The following STX2 variants were observed in gnomAD, a reference collection of about 807,000 sequenced individuals.
The protein encoded by STX2 is syntaxin 2, also known as syntaxin-2.
In STX2, 27 loss-of-function variants were observed where a neutral mutation model predicts 40.6. The observed-to-expected ratio is 0.66, with a 90% CI of 0.49 to 0.92. STX2 has a LOEUF of 0.92. Among genes scored for constraint, STX2 ranks in the 40% least tolerant of loss-of-function variants. The pLI is 0.00. For missense variants in STX2, 328 were observed against 366.1 expected (o/e 0.90, Z 0.85); for synonymous variants, 123 against 119.1 (o/e 1.03, Z -0.22).
At chr12:130,807,427 G>A (rs1466476162) in intron 5 of STX2, among the ~76,000 whole-genome samples, 3 of 151,296 alleles carry the variant, frequency 2.0e-5, no homozygotes, top group South Asian at 2.1e-4. Context: ...GTGCTTCATC[G>A]CCTTGTGCCC....
chr12:130,810,401 T>C (rs1681254154), intron 4 of STX2, among the ~76,000 whole-genome samples: 1 of 152,234 alleles, frequency 6.6e-6, no homozygotes, highest in African/African-American at 2.4e-5. Context: ...TGAAAAAGCC[T>C]AGGAAAGAAT....
chr12:130,829,273 G>A (rs1240647096), intron 1 of STX2, among the ~76,000 whole-genome samples: 1 of 152,206 alleles, frequency 6.6e-6, no homozygotes, highest in Admixed American at 6.5e-5. Flanking sequence ...AAAAGAGTAA[G>A]AGCCGTCCTT....
intron 2 of STX2, among the ~76,000 whole-genome samples, chr12:130,822,787 T>A (rs1952163853): frequency 1.3e-5 from 2 of 152,196 alleles, no homozygotes; most frequent in Non-Finnish European, 2.9e-5. Context: ...CTGCAATGTG[T>A]GTGTGTGAAA....
intron 4 of STX2, chr12:130,812,028 C>G: frequency 4.8e-6 from 1 of 207,328 alleles, no homozygotes; most frequent in Non-Finnish European, 9.8e-6. Context: ...TCAGCAAAAT[C>G]TGCAGCATGG....
At position 130,791,723 on chromosome 12, in the gene STX2, G is replaced by A. The variant is rs1458511317; in HGVS notation, c.*300C>T. ...CACGCATCACACCCACTGTGCTTAC[G>A]GCGCTGTCACTGAACAAGACGTTCG... On this transcript the variant is annotated 3_prime_UTR_variant, in exon 11 of 11. Coordinates refer to ENST00000392373, the MANE Select transcript of STX2 (RefSeq NM_194356.4). 10 of 579,028 alleles carry A rather than the reference G, an allele frequency of 1.7e-5. No individual in the cohort carries two copies. Among genetic ancestry groups the A allele is most frequent in the South Asian group, 8.7e-5 (4 of 45,820 alleles). 35.9% of individuals were successfully genotyped at this position (579,028 alleles called of 1,614,324 possible).
chr12:130,801,475 G>A lies in STX2; in HGVS notation c.477C>T (p.Thr159=). ...GCATCTCTTCTAGCTCGTCGTCTGTGGTGGTTCTCCCAGCTGAAAGACCCG... is the reference window on the plus strand; with the variant it reads ...GCATCTCTTCTAGCTCGTCGTCTGTAGTGGTTCTCCCAGCTGAAAGACCCG... ...QRQLEITGRT[T]TDDELEEMLE... is the part of the protein sequence containing the mutation. The change falls in exon 7 of 11, where the codon ACC becomes ACT. Residue 159 remains threonine, a synonymous_variant. Coordinates refer to ENST00000392373, the MANE Select transcript of STX2 (RefSeq NM_194356.4). The A allele has an allele frequency of 3.1e-6, 5 of 1,604,062 alleles. No homozygotes were observed. The highest frequency in any genetic ancestry group is 4.3e-6 in the Non-Finnish European group (5 of 1,175,040).
chr12:130,829,842 A>G (rs1006095601), intron 1 of STX2, among the ~76,000 whole-genome samples: 1 of 151,944 alleles, frequency 6.6e-6, no homozygotes. Context: ...GGGGGTGGGG[A>G]GGAGGGGTGG....
intron 1 of STX2, among the ~76,000 whole-genome samples, chr12:130,829,797 TTGAC>T (rs1190847789): frequency 1.3e-5 from 2 of 152,152 alleles, no homozygotes; most frequent in Admixed American, 1.3e-4. Flanking sequence ...CTTTAAGTCA[TTGAC>T]TGACTGTGCA....
chr12:130,815,784 T>C (rs1051666147), intron 3 of STX2, among the ~76,000 whole-genome samples: 2 of 152,238 alleles, frequency 1.3e-5, no homozygotes, highest in Non-Finnish European at 2.9e-5. Context: ...TTTTGTTTTC[T>C]GGTGTTGTGC....
chr12:130,828,144 A>G (rs1565934918), intron 1 of STX2, among the ~76,000 whole-genome samples: 4 of 152,308 alleles, frequency 2.6e-5, no homozygotes, highest in Non-Finnish European at 4.4e-5. Context: ...AGTGTTTTAT[A>G]AGGTAACACT....
intron 10 of STX2, among the ~76,000 whole-genome samples, chr12:130,794,904 T>C (rs1435945248): frequency 2.0e-5 from 3 of 152,216 alleles, no homozygotes; most frequent in Non-Finnish European, 4.4e-5. Context: ...CACAACTGTC[T>C]AATACAAGAA....
At chr12:130,796,275 C>T (rs888323400) in intron 9 of STX2, among the ~76,000 whole-genome samples, 155 bp from the exon 10 acceptor site, 1 of 152,180 alleles carries the variant, frequency 6.6e-6, no homozygotes, top group African/African-American at 2.4e-5. Flanking sequence ...GGATGGATCA[C>T]CTGAGGTCAG....
At chr12:130,825,162 A>G (rs1187665290) in intron 2 of STX2, among the ~76,000 whole-genome samples, 5 of 150,310 alleles carry the variant, frequency 3.3e-5, no homozygotes, top group Non-Finnish European at 2.9e-5. Flanking sequence ...ACAGCCTCCC[A>G]AGCAGCTGGG....
At chr12:130,807,648 C>T (rs911051076) in intron 5 of STX2, among the ~76,000 whole-genome samples, 10 of 152,246 alleles carry the variant, frequency 6.6e-5, no homozygotes, top group Non-Finnish European at 1.5e-4. Flanking sequence ...GGCAGTACCA[C>T]AAACCACTAA....
intron 9 of STX2, among the ~76,000 whole-genome samples, chr12:130,796,967 A>C (rs1010546807): frequency 6.6e-6 from 1 of 152,172 alleles, no homozygotes; most frequent in Non-Finnish European, 1.5e-5. Context: ...GACGACCCAC[A>C]CCTGAGCCAG....
intron 4 of STX2, among the ~76,000 whole-genome samples, 189 bp from the exon 5 acceptor site, chr12:130,808,893 G>T (rs1172038531): frequency 2.0e-5 from 3 of 152,140 alleles, no homozygotes; most frequent in Non-Finnish European, 4.4e-5. Context: ...CTGAGACAAG[G>T]TCTGGCTCTA....
intron 1 of STX2, among the ~76,000 whole-genome samples, chr12:130,829,375 G>A (rs1952466702): frequency 6.6e-6 from 1 of 151,984 alleles, no homozygotes. Flanking sequence ...TGAGGAGGCT[G>A]AAACACAGTG....
intron 8 of STX2, 57 bp downstream of exon 8, chr12:130,801,096 G>GT (rs1326884632): frequency 6.4e-7 from 1 of 1,554,054 alleles, no homozygotes; most frequent in Admixed American, 1.9e-5. Flanking sequence ...GTGGGATGCA[G>GT]TAAGATTTTA....
chr12:130,800,185 G>A (rs996863994), intron 8 of STX2, among the ~76,000 whole-genome samples: 1 of 152,068 alleles, frequency 6.6e-6, no homozygotes, highest in Non-Finnish European at 1.5e-5. Context: ...CTTATTCAAA[G>A]ACAAAGAGCG....
Sources: gnomAD v4.1 joint callset for allele counts (sites outside exome capture counted in the v4.1 genomes callset) on GRCh38, gnomAD v4.1.1 for gene constraint, MANE v1.5 for transcripts, NCBI Gene and HGNC (gene_info 2026-07-23, HGNC 2026-07-21) for gene names.